ESRRG: variants seen among roughly 807,000 people sequenced by gnomAD.
ESRRG encodes estrogen related receptor gamma.
ESRRG carries 13 observed loss-of-function variants against 44.0 expected under a neutral mutation model. The ratio of observed to expected loss-of-function variants is 0.30; its 90% CI spans 0.19 to 0.47. ESRRG has a LOEUF of 0.47. Among genes scored for constraint, ESRRG ranks in the 20% least tolerant of loss-of-function variants. The pLI, the probability that ESRRG is intolerant of heterozygous loss-of-function variation, is 1.00. For missense variants in ESRRG, 395 were observed against 580.6 expected (o/e 0.68, Z 3.29); for synonymous variants, 215 against 214.6 (o/e 1.00, Z -0.02).
At chr1:216,823,001 C>T (rs1351687533) in intron 2 of ESRRG, among the ~76,000 whole-genome samples, 2 of 151,856 alleles carry the variant, frequency 1.3e-5, no homozygotes, top group Admixed American at 1.3e-4. Flanking sequence ...ATGAGTTTAC[C>T]CAATTAGAAA....
At position 216,759,990 on chromosome 1, in the gene ESRRG, GC is replaced by G. The variant is rs199714753; in HGVS notation, c.-13-82500del. On this transcript the variant is annotated intron_variant, in intron 2 of 7. Transcript: ENST00000359162. Reference sequence around the variant, plus strand: ...ACACATGTCACTTCTTCAGGGGTATGCCCCCATTCACTGCATCCCTAAACGG... The same window carrying G: ...ACACATGTCACTTCTTCAGGGGTATGCCCCATTCACTGCATCCCTAAACGG... 2.4e-4 allele frequency among the ~76,000 whole-genome samples: 37 copies of G among 152,154 alleles called. No homozygotes were observed. In the East Asian group the frequency reaches 5.6e-3, roughly 23 times the overall value.
At chr1:216,523,850 A>AAC (rs1236353948) in intron 5 of ESRRG, among the ~76,000 whole-genome samples, 5 of 151,880 alleles carry the variant, frequency 3.3e-5, no homozygotes, top group African/African-American at 1.2e-4. Context: ...GTTCCACAAA[A>AAC]AAAAAAAAAA....
intron 1 of ESRRG, among the ~76,000 whole-genome samples, chr1:217,126,481 T>A (rs1558290325): frequency 6.6e-6 from 1 of 152,118 alleles, no homozygotes; most frequent in Non-Finnish European, 1.5e-5. Flanking sequence ...GCCTGGCAAA[T>A]CCCATAGTAC....
At chr1:216,571,495 AAATACATT>A (rs1377357364) in intron 3 of ESRRG, among the ~76,000 whole-genome samples, 2 of 152,162 alleles carry the variant, frequency 1.3e-5, no homozygotes, top group Non-Finnish European at 2.9e-5. Context: ...AAGTATTATC[AAATACATT>A]CCATTACTAT....
At chr1:216,922,805 T>A (rs1350895238) in intron 2 of ESRRG, among the ~76,000 whole-genome samples, 3 of 152,168 alleles carry the variant, frequency 2.0e-5, no homozygotes, top group Non-Finnish European at 4.4e-5. Context: ...CTGTGGGTTT[T>A]CTGTTGTTGT....
chr1:217,046,142 G>C (rs2084841635), intron 1 of ESRRG, among the ~76,000 whole-genome samples: 1 of 151,224 alleles, frequency 6.6e-6, no homozygotes, highest in East Asian at 1.9e-4. Flanking sequence ...ACCACTGAGA[G>C]CCTAAGCTGC....
At chr1:216,911,341 T>C (rs951468495) in intron 2 of ESRRG, among the ~76,000 whole-genome samples, 7 of 152,116 alleles carry the variant, frequency 4.6e-5, no homozygotes, top group Admixed American at 3.3e-4. Flanking sequence ...GAACCTTAAA[T>C]GTGGAACCTT....
chr1:216,885,500 C>A (rs1210357161), intron 2 of ESRRG, among the ~76,000 whole-genome samples: 6 of 151,674 alleles, frequency 4.0e-5, no homozygotes, highest in Non-Finnish European at 8.8e-5. Flanking sequence ...TTAAGGCTCC[C>A]GGTTCCAAGT....
intron 6 of ESRRG, among the ~76,000 whole-genome samples, chr1:216,512,531 T>A (rs1041711258): frequency 1.3e-5 from 2 of 152,048 alleles, no homozygotes; most frequent in African/African-American, 2.4e-5. Context: ...AAAAAAACTA[T>A]AATAAAATAA....
intron 2 of ESRRG, among the ~76,000 whole-genome samples, chr1:216,656,193 C>T (rs932013192): frequency 3.3e-5 from 5 of 152,130 alleles, no homozygotes; most frequent in African/African-American, 7.2e-5. Flanking sequence ...ATTTCAGACA[C>T]GGAGTTTTCT....
At chr1:216,689,321 T>A (rs1416446788) in intron 1 of ESRRG, among the ~76,000 whole-genome samples, 1 of 152,140 alleles carries the variant, frequency 6.6e-6, no homozygotes, top group Admixed American at 6.5e-5. Context: ...GCTCACTACC[T>A]AAGTTTCCTA....
chr1:216,739,859 C>T (rs1431872684), intron 2 of ESRRG, among the ~76,000 whole-genome samples: 2 of 152,272 alleles, frequency 1.3e-5, no homozygotes, highest in African/African-American at 2.4e-5. Context: ...TTCCCACCTC[C>T]GACCCCTCAG....
At chr1:216,772,595 C>T (rs1177427367) in intron 2 of ESRRG, among the ~76,000 whole-genome samples, 1 of 152,140 alleles carries the variant, frequency 6.6e-6, no homozygotes, top group African/African-American at 2.4e-5. Flanking sequence ...TTCCTCAATA[C>T]ATGAGAACAG....
At chr1:216,997,269 T>C (rs536956426) in intron 1 of ESRRG, among the ~76,000 whole-genome samples, 73 of 152,310 alleles carry the variant, frequency 4.8e-4, no homozygotes, top group African/African-American at 1.7e-3. Flanking sequence ...AATGAGCCCC[T>C]CTTGATAACA....
At chr1:216,965,221 G>T (rs1038043334) in intron 1 of ESRRG, among the ~76,000 whole-genome samples, 7 of 151,336 alleles carry the variant, frequency 4.6e-5, no homozygotes, top group African/African-American at 1.7e-4. Flanking sequence ...AAATCCCTCA[G>T]GACACATCTT....
chr1:217,007,008 T>C (rs2150734703), intron 1 of ESRRG, among the ~76,000 whole-genome samples: 1 of 152,274 alleles, frequency 6.6e-6, no homozygotes, highest in Admixed American at 6.5e-5. Flanking sequence ...TTAAGGCTTA[T>C]AAAAACTATT....
chr1:217,134,725 C>T (rs2093024594), intron 1 of ESRRG, among the ~76,000 whole-genome samples: 1 of 152,236 alleles, frequency 6.6e-6, no homozygotes, highest in African/African-American at 2.4e-5. Context: ...GGCTACGTTT[C>T]TCTTGCTCCG....
chr1:216,938,937 G>A (rs2064651489), intron 2 of ESRRG, among the ~76,000 whole-genome samples: 1 of 152,174 alleles, frequency 6.6e-6, no homozygotes, highest in Non-Finnish European at 1.5e-5. Context: ...AAGGACCTGG[G>A]TCTAGGATAT....
intron 5 of ESRRG, among the ~76,000 whole-genome samples, chr1:216,531,314 C>T (rs927778170): frequency 2.0e-5 from 3 of 152,066 alleles, no homozygotes; most frequent in Non-Finnish European, 4.4e-5. Context: ...TCTGAGAGTT[C>T]GGTTTAAAGT....
Sources: gnomAD v4.1 joint callset for allele counts (sites outside exome capture counted in the v4.1 genomes callset) on GRCh38, gnomAD v4.1.1 for gene constraint, MANE v1.5 for transcripts, NCBI Gene and HGNC (gene_info 2026-07-23, HGNC 2026-07-21) for gene names.